The following PRKCE variants were observed in gnomAD, a reference collection of about 807,000 sequenced individuals.
PRKCE encodes protein kinase C epsilon type.
In PRKCE, 16 loss-of-function variants were observed where a neutral mutation model predicts 85.4. That is an observed-to-expected ratio of 0.19 (90% confidence interval 0.13 to 0.28). PRKCE has a LOEUF of 0.28. Among genes scored for constraint, PRKCE ranks in the 10% least tolerant of loss-of-function variants. The pLI is 1.00. For missense variants in PRKCE, 573 were observed against 975.2 expected, an observed-to-expected ratio of 0.59 and a Z score of 5.49; for synonymous variants, 388 against 371.5, an observed-to-expected ratio of 1.04 and a Z score of -0.51.
intron 1 of PRKCE, among the ~76,000 whole-genome samples, chr2:45,688,086 A>T (rs1353254084): frequency 6.6e-6 from 1 of 152,188 alleles, no homozygotes; most frequent in Non-Finnish European, 1.5e-5. Flanking sequence ...GCAAATAAGA[A>T]TCCCTTATAT....
At chr2:45,672,867 T>A (rs986577785) in intron 1 of PRKCE, among the ~76,000 whole-genome samples, 4 of 152,024 alleles carry the variant, frequency 2.6e-5, no homozygotes, top group African/African-American at 4.8e-5. Context: ...TCTAAAAAAA[T>A]TTTTAAAAAT....
chr2:45,751,809 A>ATTTTT (rs34589907), intron 1 of PRKCE, among the ~76,000 whole-genome samples: 2,482 of 78,482 alleles, frequency 0.032, 547 homozygotes, highest in African/African-American at 0.13. Context: ...GCTAACCACT[A>ATTTTT]TTTTTTTTTT....
chr2:46,004,112 CT>C lies in PRKCE; in HGVS notation c.967-426del. ...CCCACGTGGATAGTTGAACATTAGC[CT>C]TTTCCTGCTGTACCCGTCCAATGTA... is the stretch of plus-strand genomic sequence containing the variant. On this transcript the variant is annotated intron_variant, in intron 7 of 14. Coordinates refer to ENST00000306156, the MANE Select transcript of PRKCE (RefSeq NM_005400.3). This position sits in a 1 kb window ranked among gnomAD's most constrained non-coding sequence, Gnocchi z 4.1. 5 of 252,352 alleles carry C rather than the reference CT, an allele frequency of 2.0e-5. No individual in the cohort carries two copies. Among genetic ancestry groups the C allele is most frequent in the South Asian group, 5.0e-5 (1 of 20,152 alleles). 15.6% of individuals were successfully genotyped at this position (252,352 alleles called of 1,614,324 possible). A position where few individuals can be genotyped will look rare whatever the true frequency, so the allele number is the denominator to read the frequency against.
intron 12 of PRKCE, among the ~76,000 whole-genome samples, chr2:46,148,689 A>G (rs1390423445): frequency 6.6e-6 from 1 of 152,222 alleles, no homozygotes; most frequent in Non-Finnish European, 1.5e-5. Context: ...GCTCAGTAGC[A>G]TGTTACAGCT....
At chr2:46,153,458 A>C (rs1229115059) in intron 13 of PRKCE, among the ~76,000 whole-genome samples, 1 of 152,220 alleles carries the variant, frequency 6.6e-6, no homozygotes, top group Non-Finnish European at 1.5e-5. Context: ...CAAGTGCAAA[A>C]AGACACATGC....
Position 46,145,314 on chromosome 2 carries a change from G to T in PRKCE, c.1731+83G>T. On this transcript the variant is annotated intron_variant, in intron 12 of 14. Coordinates refer to ENST00000306156, the MANE Select transcript of PRKCE (RefSeq NM_005400.3). This position sits in a 1 kb window ranked among gnomAD's most constrained non-coding sequence, Gnocchi z 4.6. ...CAAACCCATGCACTGGGGTCATCTA[G>T]TGGTGCTGGGGGAAGGCTCTGGAAA... 6.5e-7 allele frequency: 1 copy of T among 1,532,192 alleles called. No individual in the cohort carries two copies. The highest frequency in any genetic ancestry group is 8.9e-7 in the Non-Finnish European group (1 of 1,125,466). The allele number at this position is 1,532,192 out of a possible 1,614,324, so 94.9% of individuals were successfully genotyped here.
rs933855586 is a variant in PRKCE at position 46,105,562 on chromosome 2, T to C, written c.1592+19200T>C. Among the ~76,000 whole-genome samples the C allele has an allele frequency of 3.9e-4, 60 of 152,110 alleles. 1 individual carries two copies. The highest frequency in any genetic ancestry group is 3.8e-3 in the Admixed American group (58 of 15,264). On this transcript the variant is annotated intron_variant, in intron 11 of 14. Coordinates refer to ENST00000306156, the MANE Select transcript of PRKCE (RefSeq NM_005400.3). Reference sequence around the variant, plus strand: ...GCACGTATCAAGAAATTCACCTTTTTCTTCTAATACCATGACTTTTGGGAA... The same window carrying C: ...GCACGTATCAAGAAATTCACCTTTTCCTTCTAATACCATGACTTTTGGGAA...
At chr2:45,771,172 T>C (rs997351887) in intron 1 of PRKCE, among the ~76,000 whole-genome samples, 4 of 152,132 alleles carry the variant, frequency 2.6e-5, no homozygotes, top group Admixed American at 1.3e-4. Context: ...CCTCCCAGGC[T>C]GAGATTCACT....
intron 13 of PRKCE, among the ~76,000 whole-genome samples, chr2:46,156,004 TAA>T (rs58699940): frequency 0.049 from 5,280 of 106,740 alleles, 266 homozygotes; most frequent in African/African-American, 0.17. Context: ...TTAAAGTATA[TAA>T]AAAAAAAAAA....
At chr2:46,065,940 G>A (rs189557069) in intron 10 of PRKCE, among the ~76,000 whole-genome samples, 1 of 152,304 alleles carries the variant, frequency 6.6e-6, no homozygotes, top group East Asian at 1.9e-4. Context: ...GAACACTGCT[G>A]TTTAATTTGT....
intron 2 of PRKCE, among the ~76,000 whole-genome samples, chr2:45,927,317 G>A (rs1378613316): frequency 1.3e-5 from 2 of 152,166 alleles, no homozygotes; most frequent in East Asian, 3.8e-4. Flanking sequence ...GGAAGGAGAC[G>A]AGTATTCATT....
chr2:45,689,527 A>G (rs1420176608), intron 1 of PRKCE, among the ~76,000 whole-genome samples: 1 of 150,560 alleles, frequency 6.6e-6, no homozygotes, highest in African/African-American at 2.4e-5. Flanking sequence ...TATTTTATAT[A>G]TTTATATATT....
chr2:45,769,333 A>G (rs1685139725), intron 1 of PRKCE, among the ~76,000 whole-genome samples: 1 of 150,308 alleles, frequency 6.7e-6, no homozygotes, highest in Non-Finnish European at 1.5e-5. Flanking sequence ...TTTTTCTTAC[A>G]CCCCTTTTGT....
intron 12 of PRKCE, 132 bp from the exon 13 acceptor site, chr2:46,150,907 AAC>A (rs1676560108): frequency 1.4e-6 from 1 of 713,314 alleles, no homozygotes; most frequent in Non-Finnish European, 2.2e-6. Flanking sequence ...GCTGATTTAG[AAC>A]TTCTAGGACT....
rs1331804283 is a variant in PRKCE, at chr2:45,652,506, A to T, written c.348+58A>T. On this transcript the variant is annotated intron_variant, in intron 1 of 14. Coordinates refer to ENST00000306156, the MANE Select transcript of PRKCE (RefSeq NM_005400.3). The surrounding 1 kb of genome is among the most constrained non-coding windows in gnomAD (Gnocchi z 7.7). ...CCCGGTTGTGGGGTCCCGGGGAAAG[A>T]CTCGCTGGTCTTGATCGTAGGGCTC... 2.7e-6 allele frequency: 4 copies of T among 1,459,660 alleles called. No individual in the cohort carries two copies. The highest frequency in any genetic ancestry group is 3.7e-6 in the Non-Finnish European group (4 of 1,083,764). The allele number at this position is 1,459,660 out of a possible 1,614,324, so 90.4% of individuals were successfully genotyped here.
intron 11 of PRKCE, among the ~76,000 whole-genome samples, chr2:46,111,732 T>G (rs1672272186): frequency 6.6e-6 from 1 of 152,256 alleles, no homozygotes; most frequent in Admixed American, 6.5e-5. Context: ...TCACTCTCAG[T>G]TGATGGACAC....
At chr2:45,839,490 G>A (rs1003039220) in intron 1 of PRKCE, among the ~76,000 whole-genome samples, 1 of 152,246 alleles carries the variant, frequency 6.6e-6, no homozygotes, top group Non-Finnish European at 1.5e-5. Flanking sequence ...TTGCATCTGG[G>A]AGAACTGGGA....
At chr2:45,793,162 G>C (rs1033463733) in intron 1 of PRKCE, among the ~76,000 whole-genome samples, 1 of 152,200 alleles carries the variant, frequency 6.6e-6, no homozygotes, top group Non-Finnish European at 1.5e-5. Context: ...AAGAGGTGTT[G>C]AGTAAACAAA....
At chr2:45,721,130 TC>T in intron 1 of PRKCE, among the ~76,000 whole-genome samples, 1 of 151,766 alleles carries the variant, frequency 6.6e-6, no homozygotes, top group Admixed American at 6.6e-5. Context: ...AAACAAAAAA[TC>T]CTGAGCTAGG....
Sources: allele counts gnomAD v4.1 joint callset (sites outside exome capture counted in the v4.1 genomes callset), GRCh38; gene constraint gnomAD v4.1.1; non-coding constraint Gnocchi (gnomAD v3.1); transcripts MANE v1.5; gene names NCBI Gene and HGNC (gene_info 2026-07-23, HGNC 2026-07-21).